Variants in VIPR2 observed in about 807,000 individuals in gnomAD.
VIPR2 encodes the protein vasoactive intestinal peptide receptor 2.
Under a neutral mutation model 58.0 loss-of-function variants are expected in VIPR2, and 48 were observed. The ratio of observed to expected loss-of-function variants is 0.83; its 90% CI spans 0.66 to 1.05. VIPR2 has a LOEUF of 1.05. Among genes scored for constraint, VIPR2 ranks in the 50% least tolerant of loss-of-function variants. The pLI is 0.00. For missense variants in VIPR2, 534 were observed against 558.0 expected (o/e 0.96, Z 0.43); for synonymous variants, 243 against 235.2 (o/e 1.03, Z -0.30).
At position 159,097,544 on chromosome 7, in the gene VIPR2, T is replaced by C. The variant is rs1343226726; in HGVS notation, c.357+6213A>G. 6.6e-6 allele frequency among the ~76,000 whole-genome samples: 1 copy of C among 152,062 alleles called. No individual in the cohort carries two copies. Among genetic ancestry groups the C allele is most frequent in the African/African-American group, 2.4e-5 (1 of 41,418 alleles). On this transcript the variant is annotated intron_variant, in intron 4 of 12. Transcript: ENST00000262178. This position sits in a 1 kb window ranked among gnomAD's most constrained non-coding sequence, Gnocchi z 5.3. ...TGAGTGCCCAGGGTGTTAGAGATTC[T>C]ACTGCCTTGCCCCTGCCTGACCCTG...
In VIPR2 at chr7:159,120,511, A is replaced by G. The variant is rs144929117; in HGVS notation, c.152-10592T>C. 3.0e-3 allele frequency among the ~76,000 whole-genome samples: 464 copies of G among 152,326 alleles called. 1 individual carries two copies. Among genetic ancestry groups the G allele is most frequent in the African/African-American group, 0.01 (433 of 41,570 alleles). The stretch of plus-strand genomic sequence containing the variant: ...AAACAGCCTAGAACTTTTCATATCT[A>G]AGGTGACAATACACATGCCTCACTT... On this transcript the variant is annotated intron_variant, in intron 2 of 12. Coordinates refer to ENST00000262178, the MANE Select transcript of VIPR2 (RefSeq NM_003382.5).
chr7:159,102,071 C>T (rs56070902), intron 4 of VIPR2, among the ~76,000 whole-genome samples: 1 of 109,452 alleles, frequency 9.1e-6, no homozygotes, highest in African/African-American at 3.1e-5. Context: ...CCGACGAGGC[C>T]ATTCCCCCGA....
chr7:159,076,872 T>C (rs1856661350), intron 4 of VIPR2, among the ~76,000 whole-genome samples: 1 of 152,220 alleles, frequency 6.6e-6, no homozygotes, highest in African/African-American at 2.4e-5. Context: ...AATACAGACA[T>C]ACAACTTTTA....
chr7:159,117,189 G>C (rs1563342685), intron 2 of VIPR2: 1 of 639,384 alleles, frequency 1.6e-6, no homozygotes, highest in East Asian at 2.8e-5. Flanking sequence ...TCGGGCTTCT[G>C]GGTCACTGCC....
chr7:159,101,692 A>C (rs1381032702), intron 4 of VIPR2, among the ~76,000 whole-genome samples: 1 of 137,398 alleles, frequency 7.3e-6, no homozygotes, highest in Non-Finnish European at 1.5e-5. Context: ...GTCTCACGAG[A>C]TCCGACGAGG....
chr7:159,085,295 G>A (rs1010343394), intron 4 of VIPR2, among the ~76,000 whole-genome samples: 1 of 152,134 alleles, frequency 6.6e-6, no homozygotes, highest in Non-Finnish European at 1.5e-5. Flanking sequence ...GGCGGGTGGA[G>A]GGTTTTGTTT....
At chr7:159,069,155 T>C (rs949309590) in intron 4 of VIPR2, among the ~76,000 whole-genome samples, 4 of 152,186 alleles carry the variant, frequency 2.6e-5, no homozygotes, top group African/African-American at 9.6e-5. Context: ...CCACTCCACC[T>C]GTCTCCAGTT....
rs1220535165 is a variant in VIPR2, at chr7:159,028,441, A to T, written c.*2175T>A. ...TGATGACTGATGACTGCCCACACCC[A>T]ACCACCGACCATCAACAACCAGTGC... On this transcript the variant is annotated 3_prime_UTR_variant, in exon 13 of 13. Transcript: ENST00000262178. 6.6e-6 allele frequency: 1 copy of T among 152,344 alleles called. No homozygotes were observed. The highest frequency in any genetic ancestry group is 1.5e-5 in the Non-Finnish European group (1 of 68,186). 9.4% of individuals were successfully genotyped at this position (152,344 alleles called of 1,614,324 possible). A position where few individuals can be genotyped will look rare whatever the true frequency, so the allele number is the denominator to read the frequency against.
At chr7:159,109,202 C>T (rs6459922) in intron 3 of VIPR2, among the ~76,000 whole-genome samples, 53,704 of 152,116 alleles carry the variant, frequency 0.35, 11,310 homozygotes, top group African/African-American at 0.6. Flanking sequence ...GAATCACTCA[C>T]AAAAACAAAC....
At position 159,096,217 on chromosome 7, in the gene VIPR2, T is replaced by C. The variant is rs957349040; in HGVS notation, c.357+7540A>G. ...AGCCCAAAGACAGGCCTCCTATCCA[T>C]CGAGGCCCGGAGAGTTTCAACCCCT... On this transcript the variant is annotated intron_variant, in intron 4 of 12. Coordinates refer to ENST00000262178, the MANE Select transcript of VIPR2 (RefSeq NM_003382.5). This position sits in a 1 kb window ranked among gnomAD's most constrained non-coding sequence, Gnocchi z 5.5. 1.3e-5 allele frequency among the ~76,000 whole-genome samples: 2 copies of C among 152,136 alleles called. No individual in the cohort carries two copies. Among genetic ancestry groups the C allele is most frequent in the Admixed American group, 1.3e-4 (2 of 15,274 alleles).
intron 4 of VIPR2, chr7:159,059,419 G>A: frequency 4.3e-6 from 2 of 460,252 alleles, no homozygotes; most frequent in Non-Finnish European, 9.1e-6. Context: ...TTTTTGTCAA[G>A]AGGCCCTAAG....
At position 159,117,341 on chromosome 7, in the gene VIPR2, A is replaced by G. The variant is rs1484573169; in HGVS notation, c.152-7422T>C. Reference sequence around the variant, plus strand: ...AGCACTGGTCATGGAGCCAATGGGTAGGTATGTGGGTCCAGGATCCTCTTT... The same window carrying G: ...AGCACTGGTCATGGAGCCAATGGGTGGGTATGTGGGTCCAGGATCCTCTTT... On this transcript the variant is annotated intron_variant, in intron 2 of 12. Coordinates refer to ENST00000262178, the MANE Select transcript of VIPR2 (RefSeq NM_003382.5). 5.6e-6 allele frequency: 4 copies of G among 717,416 alleles called. No individual in the cohort carries two copies. In the African/African-American group the frequency reaches 7.0e-5, roughly 13 times the overall value. The allele number at this position is 717,416 out of a possible 1,614,324, so 44.4% of individuals were successfully genotyped here. A position where few individuals can be genotyped will look rare whatever the true frequency, so the allele number is the denominator to read the frequency against.
intron 2 of VIPR2, among the ~76,000 whole-genome samples, chr7:159,140,725 G>T (rs1206145316): frequency 6.6e-6 from 1 of 152,200 alleles, no homozygotes; most frequent in East Asian, 1.9e-4. Context: ...AGCTGGCGTG[G>T]GGCTGAGTGA....
At chr7:159,066,750 G>T (rs1856115021) in intron 4 of VIPR2, among the ~76,000 whole-genome samples, 1 of 152,250 alleles carries the variant, frequency 6.6e-6, no homozygotes, top group Non-Finnish European at 1.5e-5. Context: ...CAAAGCCTCA[G>T]TGGTGGGCTA....
intron 2 of VIPR2, among the ~76,000 whole-genome samples, chr7:159,126,432 TG>T (rs1796652671): frequency 6.6e-6 from 1 of 152,244 alleles, no homozygotes; most frequent in Non-Finnish European, 1.5e-5. Flanking sequence ...TTAGAAATGC[TG>T]CAATTAAGAA....
chr7:159,036,103 G>A (rs376764532), intron 7 of VIPR2, 91 bp from the exon 8 acceptor site: 38 of 1,409,146 alleles, frequency 2.7e-5, no homozygotes, highest in Middle Eastern at 2.4e-4. Context: ...TCAAGGACAC[G>A]CTTTCTCACG....
chr7:159,110,934 T>C (rs1036287810), intron 2 of VIPR2, among the ~76,000 whole-genome samples: 2 of 152,238 alleles, frequency 1.3e-5, no homozygotes, highest in African/African-American at 2.4e-5. Flanking sequence ...ATATATTTAT[T>C]ATAAAATAAA....
At chr7:159,054,065 C>T (rs1855157409) in intron 5 of VIPR2, among the ~76,000 whole-genome samples, 1 of 152,132 alleles carries the variant, frequency 6.6e-6, no homozygotes, top group South Asian at 2.1e-4. Flanking sequence ...GGACTCGAGG[C>T]CCCCACACAT....
rs902270701 is a variant in VIPR2 at position 159,098,061 on chromosome 7, G to T, written c.357+5696C>A. 6.6e-6 allele frequency among the ~76,000 whole-genome samples: 1 copy of T among 152,198 alleles called. No individual in the cohort carries two copies. The highest frequency in any genetic ancestry group is 1.5e-5 in the Non-Finnish European group (1 of 68,038). On this transcript the variant is annotated intron_variant, in intron 4 of 12. Transcript: ENST00000262178. This position sits in a 1 kb window ranked among gnomAD's most constrained non-coding sequence, Gnocchi z 5.2. ...CTCTTGGAAGCCTGAGCCCTGCCGG[G>T]GCAAGCGGAATCCCCAGCCTCACAC...
Sources: gnomAD v4.1 joint callset for allele counts (sites outside exome capture counted in the v4.1 genomes callset) on GRCh38, gnomAD v4.1.1 for gene constraint, Gnocchi (gnomAD v3.1) non-coding constraint, MANE v1.5 for transcripts, NCBI Gene and HGNC (gene_info 2026-07-23, HGNC 2026-07-21) for gene names.